The following OR1J2 variants were observed in gnomAD, a reference collection of about 807,000 sequenced individuals.
OR1J2 encodes olfactory receptor family 1 subfamily J member 2, also known as olfactory receptor 1J2.
For synonymous variants in OR1J2, 142 were observed against 99.7 expected, an observed-to-expected ratio of 1.42 and a Z score of -2.52; for missense variants, 304 against 246.1, an observed-to-expected ratio of 1.24 and a Z score of -1.57.
the OR1J2 span, among the ~76,000 whole-genome samples, chr9:122,546,978 A>G: frequency 1.4e-3 from 211 of 152,210 alleles, no homozygotes; most frequent in African/African-American, 4.9e-3. Context: ...CCTTCTAGCT[A>G]CTTGAAACTA....
chr9:122,495,983 A>G, the OR1J2 span, among the ~76,000 whole-genome samples: 2 of 152,152 alleles, frequency 1.3e-5, no homozygotes, highest in African/African-American at 4.8e-5. Flanking sequence ...CAGTGGAGCT[A>G]CCAGGCCCTG....
At chr9:122,533,003 C>CT in the OR1J2 span, among the ~76,000 whole-genome samples, 2 of 151,870 alleles carry the variant, frequency 1.3e-5, no homozygotes, top group Middle Eastern at 3.4e-3. Context: ...TCTGTGAAGG[C>CT]TTGCGGCAGT....
At chr9:122,459,264 A>T in the OR1J2 span, among the ~76,000 whole-genome samples, 2 of 152,204 alleles carry the variant, frequency 1.3e-5, no homozygotes, top group Non-Finnish European at 2.9e-5. Context: ...GGGAGGATAG[A>T]CATCTTTTTG....
At chr9:122,477,639 T>C in the OR1J2 span, 6 of 1,614,176 alleles carry the variant, frequency 3.7e-6, no homozygotes, top group Middle Eastern at 3.3e-4. Context: ...GTGAAATGCA[T>C]CCCTTGTAAA....
At chr9:122,572,362 G>A in the OR1J2 span, among the ~76,000 whole-genome samples, 2 of 152,188 alleles carry the variant, frequency 1.3e-5, no homozygotes, top group Non-Finnish European at 2.9e-5. Context: ...TCATGAAAAG[G>A]CTGCCTTGGG....
chr9:122,553,226 C>A, the OR1J2 span: 1 of 1,613,494 alleles, frequency 6.2e-7, no homozygotes, highest in African/African-American at 1.3e-5. Context: ...GAAAACCAGG[C>A]AGAGTGAACC....
At chr9:122,508,632 A>T (rs918714745), upstream of OR1J2, among the ~76,000 whole-genome samples, 7 of 152,076 alleles carry the variant, frequency 4.6e-5, no homozygotes, top group Non-Finnish European at 1.0e-4. Context: ...CTGCTGAGTG[A>T]TTGCTTTGTT....
chr9:122,520,664 A>C, the OR1J2 span, among the ~76,000 whole-genome samples: 1 of 152,208 alleles, frequency 6.6e-6, no homozygotes, highest in Non-Finnish European at 1.5e-5. Flanking sequence ...CTGACTACAC[A>C]TGTGAGCTTC....
chr9:122,526,348 G>A, the OR1J2 span: 1 of 1,452,960 alleles, frequency 6.9e-7, no homozygotes, highest in South Asian at 1.6e-5. Flanking sequence ...AAATGTTGCT[G>A]TCACCACATC....
chr9:122,519,604 A>C, the OR1J2 span: 2 of 1,613,952 alleles, frequency 1.2e-6, no homozygotes, highest in Non-Finnish European at 1.7e-6. Context: ...TCCTGTACCA[A>C]TGCCCTGTCT....
At chr9:122,503,949 C>T in the OR1J2 span, among the ~76,000 whole-genome samples, 1 of 152,186 alleles carries the variant, frequency 6.6e-6, no homozygotes, top group East Asian at 1.9e-4. Flanking sequence ...CGTCTATGAA[C>T]CAAGCCCAGG....
the OR1J2 span, among the ~76,000 whole-genome samples, chr9:122,488,838 A>G: frequency 1.2e-4 from 18 of 148,194 alleles, no homozygotes; most frequent in Admixed American, 6.9e-4. Flanking sequence ...CTGTAAGTAA[A>G]GAAAACACAA....
chr9:122,568,544 C>T, the OR1J2 span: 4 of 900,816 alleles, frequency 4.4e-6, no homozygotes, highest in East Asian at 2.5e-5. Flanking sequence ...TAACACCAAT[C>T]ATGAGAACCT....
chr9:122,478,306 T>C, the OR1J2 span, among the ~76,000 whole-genome samples: 3,372 of 152,312 alleles, frequency 0.022, 124 homozygotes, highest in African/African-American at 0.077. Flanking sequence ...GACAGTCTTA[T>C]AGTCACAGCA....
At chr9:122,553,437 T>A in the OR1J2 span, 2 of 1,614,182 alleles carry the variant, frequency 1.2e-6, no homozygotes, top group East Asian at 4.5e-5. Flanking sequence ...TGATGCCTGT[T>A]TCACTTCTGC....
chr9:122,477,156 A>G, the OR1J2 span: 1 of 1,614,012 alleles, frequency 6.2e-7, no homozygotes, highest in East Asian at 2.2e-5. Context: ...GAAAATAGAG[A>G]CCAATAATTG....
the OR1J2 span, among the ~76,000 whole-genome samples, chr9:122,500,115 G>A: frequency 2.0e-5 from 3 of 152,250 alleles, no homozygotes; most frequent in African/African-American, 7.2e-5. Context: ...CAGCCACACT[G>A]TCAAAGAATA....
chr9:122,553,975 A>T, the OR1J2 span: 3 of 1,613,286 alleles, frequency 1.9e-6, no homozygotes, highest in South Asian at 2.2e-5. Flanking sequence ...CTGCTCTTCT[A>T]TGGGTCTCTT....
At chr9:122,461,419 A>G in the OR1J2 span, among the ~76,000 whole-genome samples, 1 of 149,098 alleles carries the variant, frequency 6.7e-6, no homozygotes, top group Admixed American at 6.7e-5. Flanking sequence ...AATTTCATTT[A>G]GTTCTGCTCT....
Sources: gnomAD v4.1 joint callset for allele counts (sites outside exome capture counted in the v4.1 genomes callset) on GRCh38, gnomAD v4.1.1 for gene constraint, MANE v1.5 for transcripts, NCBI Gene and HGNC (gene_info 2026-07-23, HGNC 2026-07-21) for gene names.